Variants in NRG4 observed in about 807,000 individuals in gnomAD.
NRG4 encodes neuregulin 4.
NRG4 carries 10 observed loss-of-function variants against 15.0 expected under a neutral mutation model. The observed-to-expected ratio is 0.67, with a 90% CI of 0.41 to 1.13. NRG4 has a LOEUF of 1.13. Among genes scored for constraint, NRG4 ranks in the 50% most tolerant of loss-of-function variants. The pLI, the probability that NRG4 is intolerant of heterozygous loss-of-function variation, is 0.00. For synonymous variants in NRG4, 41 were observed against 50.1 expected (o/e 0.82, Z 0.77); for missense variants, 139 against 140.2 (o/e 0.99, Z 0.04).
intron 5 of NRG4, among the ~76,000 whole-genome samples, chr15:75,954,519 T>C (rs1595950004): frequency 6.6e-6 from 1 of 151,278 alleles, no homozygotes; most frequent in African/African-American, 2.4e-5. Flanking sequence ...AACCTCCGCC[T>C]CTGTGGTTCA....
downstream of NRG4, chr15:75,935,630 G>A (rs1264198669): frequency 6.7e-6 from 1 of 150,006 alleles, no homozygotes; most frequent in East Asian, 1.9e-4. Context: ...AATCTAGTAG[G>A]CCAGTTCACA....
At chr15:76,026,990 C>T (rs2035334696) in intron 5 of NRG4, among the ~76,000 whole-genome samples, 2 of 151,924 alleles carry the variant, frequency 1.3e-5, no homozygotes, top group African/African-American at 4.8e-5. Flanking sequence ...GGCATGGTGG[C>T]GGGTGCCTGT....
At chr15:75,990,671 G>GTTTTTTTTTTTTTTTTTTTTT in intron 3 of NRG4, among the ~76,000 whole-genome samples, 2 of 130,616 alleles carry the variant, frequency 1.5e-5, no homozygotes, top group Non-Finnish European at 3.2e-5. Context: ...GTTGGTAATT[G>GTTTTTTTTTTTTTTTTTTTTT]TTTTTTTTTT....
chr15:75,940,687 T>C (rs2141746107), downstream of NRG4: 1 of 152,214 alleles, frequency 6.6e-6, no homozygotes, highest in South Asian at 2.1e-4. Context: ...ATAAACCCTC[T>C]CATATGTAGG....
intron 4 of NRG4, among the ~76,000 whole-genome samples, chr15:76,049,255 A>T (rs1035021479): frequency 1.3e-5 from 2 of 150,826 alleles, no homozygotes; most frequent in African/African-American, 5.0e-5. Flanking sequence ...CTCAGTATAC[A>T]TAACTGGTCA....
chr15:76,027,662 C>T (rs530541397), intron 5 of NRG4, among the ~76,000 whole-genome samples: 4 of 152,282 alleles, frequency 2.6e-5, no homozygotes, highest in Non-Finnish European at 5.9e-5. Flanking sequence ...TCAACAAAGA[C>T]ACACTGGATT....
At chr15:75,979,305 T>C (rs1001507436) in intron 3 of NRG4, among the ~76,000 whole-genome samples, 5 of 150,140 alleles carry the variant, frequency 3.3e-5, no homozygotes, top group African/African-American at 1.3e-4. Context: ...AGACAGCTAA[T>C]AGCATTTGCC....
chr15:76,008,717 T>C (rs1363357311), intron 3 of NRG4, among the ~76,000 whole-genome samples: 1 of 152,196 alleles, frequency 6.6e-6, no homozygotes, highest in Non-Finnish European at 1.5e-5. Context: ...TCTTTTTTAT[T>C]TGCTACCACC....
chr15:76,015,443 G>C (rs763848411), upstream of NRG4, among the ~76,000 whole-genome samples: 4 of 152,296 alleles, frequency 2.6e-5, no homozygotes, highest in East Asian at 7.7e-4. Context: ...AATGCTTCCA[G>C]CTTTTGCCCA....
chr15:75,969,832 G>A (rs924565215), intron 3 of NRG4, among the ~76,000 whole-genome samples: 6 of 152,166 alleles, frequency 3.9e-5, no homozygotes, highest in Admixed American at 3.3e-4. Flanking sequence ...AAAATGCATA[G>A]CTAAACAGAG....
chr15:76,046,869 C>T (rs2141960109), intron 4 of NRG4, among the ~76,000 whole-genome samples: 1 of 150,766 alleles, frequency 6.6e-6, no homozygotes, highest in South Asian at 2.1e-4. Flanking sequence ...GAAGAGACAG[C>T]CCACAGAATG....
At position 75,956,010 on chromosome 15, in the gene NRG4, T is replaced by C; in HGVS notation, c.253A>G (p.Lys85Glu). ...GAACTGGCTCTCTGAAAGTGGCCTT[T>C]CCTGACAATAAAGAGGAGAGAAACA... ...IIGAFYFLCRKGHFQRASSVQ... is the reference protein window; with the variant it reads ...IIGAFYFLCREGHFQRASSVQ... The change falls in exon 5 of 6, where the codon AAA becomes GAA. Residue 85 changes from lysine to glutamate, a missense_variant and splice_region_variant. By Grantham distance (56) the Lys-to-Glu change is moderately conservative. Transcript: ENST00000394907. 2 of 1,596,660 alleles carry C rather than the reference T, an allele frequency of 1.3e-6. No homozygotes were observed. The highest frequency in any genetic ancestry group is 2.2e-5 in the South Asian group (2 of 90,664).
At chr15:76,015,129 G>A (rs2034935845), upstream of NRG4, among the ~76,000 whole-genome samples, 1 of 152,144 alleles carries the variant, frequency 6.6e-6, no homozygotes, top group Non-Finnish European at 1.5e-5. Context: ...GTTCACTCAT[G>A]ATTTGGCTCT....
At chr15:75,939,761 A>G (rs2030746351), downstream of NRG4, 1 of 152,206 alleles carries the variant, frequency 6.6e-6, no homozygotes, top group African/African-American at 2.4e-5. Flanking sequence ...TACTACATTA[A>G]CAGAACGAAG....
intron 5 of NRG4, among the ~76,000 whole-genome samples, chr15:76,034,515 C>T (rs890215745): frequency 2.0e-5 from 3 of 152,070 alleles, no homozygotes; most frequent in Non-Finnish European, 2.9e-5. Flanking sequence ...TTGCAGCCCA[C>T]TTCACACTGG....
chr15:75,944,624 C>A (rs75844771), intron 5 of NRG4, among the ~76,000 whole-genome samples: 2,441 of 152,278 alleles, frequency 0.016, 62 homozygotes, highest in African/African-American at 0.055. Flanking sequence ...ATATAATGTA[C>A]CTTTATGCTA....
chr15:75,966,733 A>T (rs2469037), intron 3 of NRG4, among the ~76,000 whole-genome samples: 3,398 of 152,112 alleles, frequency 0.022, 121 homozygotes, highest in African/African-American at 0.076. Flanking sequence ...TGTCAATCAA[A>T]GTTCAATTTG....
intron 3 of NRG4, among the ~76,000 whole-genome samples, chr15:75,996,636 T>C (rs2034226273): frequency 6.6e-6 from 1 of 152,188 alleles, no homozygotes; most frequent in Non-Finnish European, 1.5e-5. Context: ...TTTGTAACCA[T>C]TTATTTTTAT....
chr15:75,958,959 T>C (rs899066530), intron 4 of NRG4: 1 of 190,566 alleles, frequency 5.2e-6, no homozygotes. Flanking sequence ...TACAACAATA[T>C]TAAAGTTCCA....
Sources: allele counts gnomAD v4.1 joint callset (sites outside exome capture counted in the v4.1 genomes callset), GRCh38; gene constraint gnomAD v4.1.1; transcripts MANE v1.5; gene names NCBI Gene and HGNC (gene_info 2026-07-23, HGNC 2026-07-21).